The following IDE variants were observed in gnomAD, a reference collection of about 807,000 sequenced individuals.
The protein encoded by IDE is insulin-degrading enzyme.
A neutral mutation model predicts 133.2 loss-of-function variants in IDE; 58 were observed. The ratio of observed to expected loss-of-function variants is 0.44; its 90% CI spans 0.35 to 0.54. The LOEUF is 0.54. IDE is among the 20% of genes least tolerant of loss of function. The pLI is 0.00. For synonymous variants in IDE, 396 were observed against 421.3 expected (o/e 0.94, Z 0.73); for missense variants, 981 against 1,234.0 (o/e 0.79, Z 3.07).
At chr10:92,523,749 C>T (rs1335652924) in intron 4 of IDE, among the ~76,000 whole-genome samples, 2 of 151,086 alleles carry the variant, frequency 1.3e-5, no homozygotes, top group African/African-American at 4.9e-5. Context: ...TACAGCTCCA[C>T]CCTCTATATT....
intron 1 of IDE, among the ~76,000 whole-genome samples, chr10:92,543,269 A>G (rs965696548): frequency 3.9e-5 from 6 of 152,226 alleles, no homozygotes; most frequent in Admixed American, 6.5e-5. Flanking sequence ...ACCACACCAC[A>G]TAACATTCCC....
intron 11 of IDE, among the ~76,000 whole-genome samples, chr10:92,500,070 G>A (rs185781761): frequency 1.2e-3 from 185 of 152,180 alleles, no homozygotes; most frequent in Non-Finnish European, 2.0e-3. Context: ...GGCCGAGAAC[G>A]GTGGATCACC....
intron 11 of IDE, among the ~76,000 whole-genome samples, chr10:92,493,136 A>C (rs1211535328): frequency 6.6e-6 from 1 of 152,238 alleles, no homozygotes; most frequent in Non-Finnish European, 1.5e-5. Flanking sequence ...TGGTAGTTCA[A>C]GAATCCCGTT....
Position 92,490,575 on chromosome 10 carries a change from G to A in IDE, c.1451C>T (p.Ser484Phe). Residue 484 changes from serine to phenylalanine, a missense_variant, in exon 12 of 25, where the codon TCT becomes TTT. Physicochemically the swap from Ser to Phe is radical, Grantham distance 155. Transcript: ENST00000265986. ...ENVRVAIVSK[S>F]FEGKTDRTEE... is the part of the protein sequence containing the mutation. ...TGTGCGATCAGTTTTTCCTTCAAAA[G>A]ATTTAGAAACTATGGCAACCCTAGA... The A allele has an allele frequency of 6.2e-7, 1 of 1,610,846 alleles. No individual in the cohort carries two copies. Among genetic ancestry groups the A allele is most frequent in the East Asian group, 2.2e-5 (1 of 44,846 alleles).
At chr10:92,565,314 G>C (rs1013575239) in intron 1 of IDE, among the ~76,000 whole-genome samples, 2 of 149,454 alleles carry the variant, frequency 1.3e-5, no homozygotes, top group Non-Finnish European at 3.0e-5. Flanking sequence ...AGCTACTCAG[G>C]AGGCTAAGGA....
chr10:92,573,783 A>C (rs1843911397), intron 1 of IDE, 139 bp downstream of exon 1: 1 of 618,460 alleles, frequency 1.6e-6, no homozygotes. Context: ...GCGCGGCAGT[A>C]CGGGCCCCAG....
chr10:92,511,195 A>G (rs1589448016), intron 5 of IDE, among the ~76,000 whole-genome samples: 1 of 146,840 alleles, frequency 6.8e-6, no homozygotes. Context: ...TCTGCCTCCC[A>G]GGTTCAAGTG....
chr10:92,566,294 G>T (rs1843542629), intron 1 of IDE, among the ~76,000 whole-genome samples: 1 of 151,904 alleles, frequency 6.6e-6, no homozygotes, highest in Non-Finnish European at 1.5e-5. Context: ...GTACTGAGAT[G>T]GCAGGAGAAT....
At chr10:92,501,362 TAAAAAAAAAAA>T (rs55861862) in intron 11 of IDE, among the ~76,000 whole-genome samples, 8 of 19,232 alleles carry the variant, frequency 4.2e-4, no homozygotes, top group Admixed American at 1.5e-3. Flanking sequence ...ACTCTGTCAT[TAAAAAAAAAAA>T]AAAAAAAAAA....
chr10:92,452,156 T>C lies in IDE; in HGVS notation c.*2288A>G, dbSNP rs1844774226. 1 of 152,182 alleles carries C rather than the reference T, an allele frequency of 6.6e-6. No homozygotes were observed. The highest frequency in any genetic ancestry group is 2.4e-5 in the African/African-American group (1 of 41,442). 9.4% of individuals were successfully genotyped at this position (152,182 alleles called of 1,614,324 possible). ...TGAACAATGAAAGCAAGAAATCTGG[T>C]CAAACTGGGATGTTGAGAGGTAGGC... On this transcript the variant is annotated 3_prime_UTR_variant, in exon 25 of 25. Coordinates refer to ENST00000265986, the MANE Select transcript of IDE (RefSeq NM_004969.4).
intron 12 of IDE, 92 bp downstream of exon 12, chr10:92,490,400 TC>T: frequency 1.3e-6 from 1 of 787,738 alleles, no homozygotes; most frequent in Non-Finnish European, 2.2e-6. Flanking sequence ...TCATCAGTCT[TC>T]CACACTCTGG....
intron 2 of IDE, among the ~76,000 whole-genome samples, chr10:92,536,868 T>A (rs1411852066): frequency 4.6e-5 from 7 of 151,690 alleles, no homozygotes; most frequent in East Asian, 1.9e-4. Flanking sequence ...TGAAACCCCA[T>A]CTCTAATAAA....
At chr10:92,542,881 T>C (rs1314895131) in intron 1 of IDE, among the ~76,000 whole-genome samples, 1 of 152,204 alleles carries the variant, frequency 6.6e-6, no homozygotes, top group Non-Finnish European at 1.5e-5. Flanking sequence ...TCCCCAAATA[T>C]AAGGTCATTT....
At chr10:92,563,802 A>G (rs1758321960) in intron 1 of IDE, among the ~76,000 whole-genome samples, 2 of 152,270 alleles carry the variant, frequency 1.3e-5, no homozygotes, top group South Asian at 4.1e-4. Context: ...CTTTAAGTTC[A>G]ATTAAAAAAA....
intron 22 of IDE, among the ~76,000 whole-genome samples, chr10:92,458,490 GTTTTTTTTTTTTTTT>G (rs71028821): frequency 1.6e-3 from 137 of 83,888 alleles, no homozygotes; most frequent in African/African-American, 7.1e-3. Flanking sequence ...TACTCTCTCT[GTTTTTTTTTTTTTTT>G]TTTTTTTTTT....
In IDE at chr10:92,548,176, G is replaced by A. The variant is rs868282215; in HGVS notation, c.99-10626C>T. ...GGAGTTCAAGACCAGCCTGACCAAC[G>A]TCGAGAAACTCCATCTCTACTAAAA... On this transcript the variant is annotated intron_variant, in intron 1 of 24. Transcript: ENST00000265986. 2.6e-5 allele frequency among the ~76,000 whole-genome samples: 4 copies of A among 151,922 alleles called. No homozygotes were observed. In the South Asian group the frequency reaches 6.2e-4, roughly 24 times the overall value.
In IDE at chr10:92,465,740, C is replaced by G. The variant is rs1312200062; in HGVS notation, c.2424G>C (p.Leu808=). The part of the protein sequence containing the change: ...DMQSTSENMF[L]ELFCQIISEP... ...CCGAGATAATCTGACAGAAGAGCTC[C>G]AGAAACATATTCTCTGAGGTGCTTT... is the stretch of plus-strand genomic sequence containing the variant. Residue 808 remains leucine, a synonymous_variant, in exon 20 of 25, where the codon CTG becomes CTC. Coordinates refer to ENST00000265986, the MANE Select transcript of IDE (RefSeq NM_004969.4). The G allele has an allele frequency of 6.2e-7, 1 of 1,614,038 alleles. No individual in the cohort carries two copies. The highest frequency in any genetic ancestry group is 2.2e-5 in the East Asian group (1 of 44,872).
chr10:92,491,321 T>C (rs1847327167), intron 11 of IDE, among the ~76,000 whole-genome samples: 1 of 151,920 alleles, frequency 6.6e-6, no homozygotes, highest in Non-Finnish European at 1.5e-5. Context: ...GAATGACTAA[T>C]AAAACCTGCT....
chr10:92,485,292 A>C (rs910017666), intron 13 of IDE, among the ~76,000 whole-genome samples: 1 of 151,384 alleles, frequency 6.6e-6, no homozygotes, highest in Non-Finnish European at 1.5e-5. Context: ...CGCCCAGCTA[A>C]TTTTTTTTAG....
Sources: allele counts gnomAD v4.1 joint callset (sites outside exome capture counted in the v4.1 genomes callset), GRCh38; gene constraint gnomAD v4.1.1; transcripts MANE v1.5; gene names NCBI Gene and HGNC (gene_info 2026-07-23, HGNC 2026-07-21).